The following DOK5 variants were observed in gnomAD, a reference collection of about 807,000 sequenced individuals.
DOK5 encodes the protein downstream of tyrosine kinase 5.
DOK5 carries 27 observed loss-of-function variants against 43.3 expected under a neutral mutation model. The observed-to-expected ratio is 0.62, with a 90% CI of 0.46 to 0.86. The LOEUF (loss-of-function observed/expected upper bound fraction) is 0.86, where lower values mean the gene tolerates loss of function less well. DOK5 is among the 40% of genes least tolerant of loss of function. The probability of loss-of-function intolerance (pLI) is 0.00; values close to 1 mark genes in which losing one functional copy is unlikely to be tolerated. For missense variants in DOK5, 373 were observed against 392.9 expected (o/e 0.95, Z 0.43); for synonymous variants, 146 against 140.1 (o/e 1.04, Z -0.30).
chr20:54,476,047 GGTTCGATTGTCTCTCTCTT>G, intron 1 of DOK5, 35 bp downstream of exon 1: 1 of 1,609,800 alleles, frequency 6.2e-7, no homozygotes, highest in African/African-American at 1.3e-5. Context: ...GCTGTTCGCC[GGTTCGATTGTCTCTCTCTT>G]GAGCCAGCAT....
At chr20:54,480,922 T>TATCA (rs1419233404) in intron 1 of DOK5, among the ~76,000 whole-genome samples, 3 of 124,178 alleles carry the variant, frequency 2.4e-5, no homozygotes, top group African/African-American at 1.0e-4. Flanking sequence ...TCTATCTATC[T>TATCA]ATCAATCATC....
At chr20:54,643,209 G>A (rs1409193285) in intron 6 of DOK5, among the ~76,000 whole-genome samples, 1 of 152,228 alleles carries the variant, frequency 6.6e-6, no homozygotes, top group East Asian at 1.9e-4. Flanking sequence ...GAGGGACTTA[G>A]CTGGGTTGGA....
chr20:54,507,948 G>A (rs1175110710), intron 1 of DOK5, among the ~76,000 whole-genome samples: 1 of 152,194 alleles, frequency 6.6e-6, no homozygotes, highest in Non-Finnish European at 1.5e-5. Context: ...AAGAAGGGAA[G>A]TGATATGATT....
At chr20:54,477,718 A>T (rs570369675) in intron 1 of DOK5, among the ~76,000 whole-genome samples, 1 of 152,308 alleles carries the variant, frequency 6.6e-6, no homozygotes, top group South Asian at 2.1e-4. Context: ...TTGGTATGAG[A>T]CATCCATTCT....
intron 1 of DOK5, among the ~76,000 whole-genome samples, chr20:54,551,813 T>C (rs1310385540): frequency 6.6e-6 from 1 of 152,178 alleles, no homozygotes; most frequent in Non-Finnish European, 1.5e-5. Context: ...TCCTCTTTCA[T>C]TTAATTTACA....
chr20:54,599,057 G>C (rs966215352), intron 5 of DOK5, among the ~76,000 whole-genome samples: 1 of 152,066 alleles, frequency 6.6e-6, no homozygotes, highest in Non-Finnish European at 1.5e-5. Flanking sequence ...TTGCATATTT[G>C]AAAGCTACAT....
rs144199977 is a variant in DOK5, at chr20:54,603,736, C to G, written c.600-6652C>G. Among the ~76,000 whole-genome samples the G allele has an allele frequency of 7.3e-4, 111 of 152,220 alleles. No homozygotes were observed. The Middle Eastern group carries it at 0.01, about 14-fold the overall frequency. On this transcript the variant is annotated intron_variant, in intron 5 of 7. Coordinates refer to ENST00000262593, the MANE Select transcript of DOK5 (RefSeq NM_018431.5). ...GTCAGTGTTGCTGACTTTAGTAGAG[C>G]TGAGATCAAGTCCGTATTACAAGCT...
intron 5 of DOK5, among the ~76,000 whole-genome samples, chr20:54,600,336 T>G (rs985384975): frequency 2.0e-5 from 3 of 152,028 alleles, no homozygotes; most frequent in African/African-American, 7.2e-5. Context: ...ACTACAGAGT[T>G]TGAGCAAGTC....
rs57981823 is a variant in DOK5, at chr20:54,539,279, C to CAA, written c.67-15625_67-15624dup. Reference sequence around the variant, plus strand: ...GGGCAACAGAGCGAGGCTCCATCTCCAAAAAAAAAAAAAAAAAAAAAAAAA... The same window carrying CAA: ...GGGCAACAGAGCGAGGCTCCATCTCCAAAAAAAAAAAAAAAAAAAAAAAAAAA... On this transcript the variant is annotated intron_variant, in intron 1 of 7. Transcript: ENST00000262593. Among the ~76,000 whole-genome samples, 111 of 44,728 alleles carry CAA rather than the reference C, an allele frequency of 2.5e-3. 11 individuals carry two copies. Among genetic ancestry groups the CAA allele is most frequent in the Non-Finnish European group, 3.6e-3 (69 of 19,212 alleles). The allele number at this position is 44,728 out of a possible 152,430, so 29.3% of individuals were successfully genotyped here.
At chr20:54,476,049 T>C (rs1981408911) in intron 1 of DOK5, 37 bp downstream of exon 1, 1 of 1,609,454 alleles carries the variant, frequency 6.2e-7, no homozygotes, top group African/African-American at 1.3e-5. Context: ...TGTTCGCCGG[T>C]TCGATTGTCT....
intron 6 of DOK5, among the ~76,000 whole-genome samples, chr20:54,623,952 G>A (rs1987064600): frequency 6.6e-6 from 1 of 152,118 alleles, no homozygotes; most frequent in South Asian, 2.1e-4. Flanking sequence ...GAAGCAATGG[G>A]GATATAAACA....
intron 1 of DOK5, among the ~76,000 whole-genome samples, chr20:54,518,005 A>G (rs540467391): frequency 6.6e-6 from 1 of 152,304 alleles, no homozygotes; most frequent in East Asian, 1.9e-4. Context: ...AAATGGACTC[A>G]GCCTTACAGT....
chr20:54,610,480 C>A lies in DOK5; in HGVS notation c.692C>A (p.Ala231Asp). 6.4e-7 allele frequency: 1 copy of A among 1,571,298 alleles called. No homozygotes were observed. Among genetic ancestry groups the A allele is most frequent in the East Asian group, 2.3e-5 (1 of 42,934 alleles). ...GTCCACTCTGCTGCCTTGGCCATAG[C>A]CGAGCAGCACGAGCGCTTGCTACAG... ...QKVHSAALAI[A>D]EQHERLLQSV... The change falls in exon 6 of 8, where the codon GCC becomes GAC. Residue 231 changes from alanine (A) to aspartate (D), a missense_variant. Transcript: ENST00000262593.
At chr20:54,607,346 C>T (rs1268560069) in intron 5 of DOK5, among the ~76,000 whole-genome samples, 2 of 151,598 alleles carry the variant, frequency 1.3e-5, no homozygotes, top group African/African-American at 4.9e-5. Context: ...CGTTCTCTGC[C>T]TGAACTCTAA....
intron 1 of DOK5, among the ~76,000 whole-genome samples, chr20:54,554,704 G>T (rs1270078947): frequency 2.6e-5 from 4 of 152,172 alleles, no homozygotes; most frequent in Non-Finnish European, 5.9e-5. Flanking sequence ...AAAGCATGAA[G>T]AAATTTATCT....
chr20:54,616,831 A>G (rs1395044393), intron 6 of DOK5, among the ~76,000 whole-genome samples: 1 of 122,452 alleles, frequency 8.2e-6, no homozygotes, highest in Non-Finnish European at 1.6e-5. Context: ...TCTGTCGCCC[A>G]GGCTGGAGTG....
At chr20:54,591,288 G>A (rs1985966804) in intron 4 of DOK5, among the ~76,000 whole-genome samples, 1 of 152,020 alleles carries the variant, frequency 6.6e-6, no homozygotes, top group Non-Finnish European at 1.5e-5. Flanking sequence ...AAAAAAAATT[G>A]CTTTTAATGG....
chr20:54,482,526 C>T (rs980243203), intron 1 of DOK5, among the ~76,000 whole-genome samples: 6 of 152,060 alleles, frequency 3.9e-5, no homozygotes, highest in African/African-American at 1.4e-4. Flanking sequence ...GATGGAGTCT[C>T]GCTCTGCTGC....
intron 1 of DOK5, among the ~76,000 whole-genome samples, chr20:54,508,315 A>G (rs944697727): frequency 7.2e-5 from 11 of 151,726 alleles, no homozygotes; most frequent in Admixed American, 1.3e-4. Flanking sequence ...CCTCCCCACC[A>G]CACATAAATA....
Sources: allele counts gnomAD v4.1 joint callset (sites outside exome capture counted in the v4.1 genomes callset), GRCh38; gene constraint gnomAD v4.1.1; transcripts MANE v1.5; gene names NCBI Gene and HGNC (gene_info 2026-07-23, HGNC 2026-07-21).